Variants in RPP30 observed in about 807,000 individuals in gnomAD.
RPP30 encodes ribonuclease P protein subunit p30.
In RPP30, 36 loss-of-function variants were observed where a neutral mutation model predicts 38.6. The ratio of observed to expected loss-of-function variants is 0.93; its 90% CI spans 0.71 to 1.23. The LOEUF is 1.23. RPP30 is among the 50% of genes most tolerant of loss of function. The pLI is 0.00. For synonymous variants in RPP30, 126 were observed against 112.7 expected (o/e 1.12, Z -0.75); for missense variants, 321 against 321.7 (o/e 1.00, Z 0.02).
Position 90,901,081 on chromosome 10 carries a change from C to A in RPP30, c.*402C>A, listed in dbSNP as rs1416777585. 5.3e-6 allele frequency: 2 copies of A among 377,988 alleles called. No individual in the cohort carries two copies. Among genetic ancestry groups the A allele is most frequent in the South Asian group, 1.1e-4 (1 of 8,962 alleles). 23.4% of individuals were successfully genotyped at this position (377,988 alleles called of 1,614,324 possible). On this transcript the variant is annotated 3_prime_UTR_variant, in exon 11 of 11. Coordinates refer to ENST00000371703, the MANE Select transcript of RPP30 (RefSeq NM_006413.5). ...AACCTCAATCCTGGGCTCAAGTGAT[C>A]CTCCCGCTTCAGCCTCTCAAGCAGC...
At chr10:90,900,464 T>G (rs922715587) in intron 10 of RPP30, 106 bp from the exon 11 acceptor site, 79 of 1,118,518 alleles carry the variant, frequency 7.1e-5, no homozygotes, top group Non-Finnish European at 9.8e-5. Flanking sequence ...CAGTTCATTA[T>G]GGCTTATCAT....
downstream of RPP30, among the ~76,000 whole-genome samples, chr10:90,903,981 G>T (rs546529087): frequency 6.6e-6 from 1 of 152,054 alleles, no homozygotes; most frequent in African/African-American, 2.4e-5. Flanking sequence ...CCCAAATTAC[G>T]CATTTAACAA....
intron 5 of RPP30, among the ~76,000 whole-genome samples, chr10:90,883,463 T>C (rs1379159422): frequency 2.6e-5 from 4 of 152,144 alleles, no homozygotes; most frequent in Admixed American, 2.0e-4. Context: ...AACTTTTATT[T>C]TGTGGTTATC....
intron 5 of RPP30, 124 bp from the exon 6 acceptor site, chr10:90,885,688 T>G: frequency 1.5e-6 from 1 of 659,728 alleles, no homozygotes; most frequent in Non-Finnish European, 2.6e-6. Context: ...CAGATGTATT[T>G]CAACACAGAA....
chr10:90,874,216 G>T (rs570898951), intron 1 of RPP30, among the ~76,000 whole-genome samples: 49 of 151,784 alleles, frequency 3.2e-4, no homozygotes, highest in African/African-American at 1.1e-3. Context: ...TTTTTTTTTG[G>T]TAGCCCAAAT....
downstream of RPP30, chr10:90,905,700 A>G (rs1439200423): frequency 1.3e-5 from 2 of 152,224 alleles, no homozygotes; most frequent in Non-Finnish European, 2.9e-5. Context: ...CACCACAAAT[A>G]TATCTGGCTG....
intron 6 of RPP30, among the ~76,000 whole-genome samples, chr10:90,888,469 C>A (rs1490144691): frequency 1.3e-5 from 2 of 152,156 alleles, no homozygotes; most frequent in Non-Finnish European, 2.9e-5. Flanking sequence ...CTGTCATGGT[C>A]CTTTTTTAAG....
At chr10:90,903,279 TG>T (rs761721558), downstream of RPP30, 20 of 1,592,540 alleles carry the variant, frequency 1.3e-5, no homozygotes. Flanking sequence ...TTTAAAAGGT[TG>T]GTACCCAAGT....
downstream of RPP30, among the ~76,000 whole-genome samples, chr10:90,903,778 G>GTGT (rs1282830591): frequency 4.6e-5 from 7 of 152,148 alleles, no homozygotes; most frequent in Admixed American, 3.9e-4. Flanking sequence ...ACCAGATTTT[G>GTGT]ATTAATAACC....
At chr10:90,908,432 G>T (rs946210709) in exon 5 of RPP30, 2 of 152,114 alleles carry the variant, frequency 1.3e-5, no homozygotes, top group African/African-American at 4.8e-5. Flanking sequence ...TTGAAGATTT[G>T]TGGCACCTCT....
intron 6 of RPP30, among the ~76,000 whole-genome samples, chr10:90,889,782 A>G (rs1847051584): frequency 6.6e-6 from 1 of 152,174 alleles, no homozygotes; most frequent in Non-Finnish European, 1.5e-5. Flanking sequence ...TGTACTTTGC[A>G]GCTCTTTTCC....
chr10:90,906,339 A>G (rs1282623928), downstream of RPP30, among the ~76,000 whole-genome samples: 1 of 152,208 alleles, frequency 6.6e-6, no homozygotes, highest in African/African-American at 2.4e-5. Context: ...GAGCTGGCAC[A>G]GTATGTGAAA....
downstream of RPP30, among the ~76,000 whole-genome samples, chr10:90,907,432 G>A (rs1847265486): frequency 6.6e-6 from 1 of 152,104 alleles, no homozygotes; most frequent in African/African-American, 2.4e-5. Flanking sequence ...AGACAGAAAA[G>A]GTACAAAAAT....
chr10:90,900,039 T>C (rs940129737), intron 10 of RPP30, among the ~76,000 whole-genome samples: 2 of 152,384 alleles, frequency 1.3e-5, no homozygotes, highest in East Asian at 1.9e-4. Context: ...AGTGATTTTA[T>C]TCATTAACTC....
chr10:90,872,959 A>T (rs187693621), intron 1 of RPP30, among the ~76,000 whole-genome samples: 1 of 152,330 alleles, frequency 6.6e-6, no homozygotes, highest in African/African-American at 2.4e-5. Context: ...CGAAGACGAA[A>T]GTAGACATGA....
intron 6 of RPP30, among the ~76,000 whole-genome samples, chr10:90,893,834 G>T (rs548200701): frequency 1.3e-5 from 2 of 152,346 alleles, no homozygotes; most frequent in Admixed American, 1.3e-4. Context: ...GCTTTTAGAA[G>T]GGAGAAACCA....
intron 8 of RPP30, 96 bp from the exon 9 acceptor site, chr10:90,895,784 A>T: frequency 1.1e-6 from 1 of 898,374 alleles, no homozygotes. Flanking sequence ...TAATTTTTTT[A>T]TTTTTGGATA....
intron 6 of RPP30, among the ~76,000 whole-genome samples, chr10:90,887,274 A>G (rs1359074136): frequency 6.6e-6 from 1 of 151,972 alleles, no homozygotes; most frequent in Non-Finnish European, 1.5e-5. Context: ...GACCCACCCA[A>G]TGGGGAAAAG....
At chr10:90,873,557 G>T (rs1846811218) in intron 1 of RPP30, among the ~76,000 whole-genome samples, 1 of 152,186 alleles carries the variant, frequency 6.6e-6, no homozygotes, top group Non-Finnish European at 1.5e-5. Flanking sequence ...AAGCCTGATT[G>T]GGGAAGTAAG....
Sources: gnomAD v4.1 joint callset for allele counts (sites outside exome capture counted in the v4.1 genomes callset) on GRCh38, gnomAD v4.1.1 for gene constraint, MANE v1.5 for transcripts, NCBI Gene and HGNC (gene_info 2026-07-23, HGNC 2026-07-21) for gene names.